The following EIPR1 variants were observed in gnomAD, a reference collection of about 807,000 sequenced individuals.
EIPR1 encodes the protein EARP complex and GARP complex interacting protein 1.
EIPR1 carries 25 observed loss-of-function variants against 48.1 expected under a neutral mutation model. That is an observed-to-expected ratio of 0.52 (90% CI 0.38 to 0.73). The LOEUF is 0.73. EIPR1 is among the 30% of genes least tolerant of loss of function. The pLI, the probability that EIPR1 is intolerant of heterozygous loss-of-function variation, is 0.00. For missense variants in EIPR1, 415 were observed against 506.2 expected (o/e 0.82, Z 1.73); for synonymous variants, 204 against 201.9 (o/e 1.01, Z -0.09).
At chr2:3,193,460 A>G (rs1410363931) in intron 7 of EIPR1, among the ~76,000 whole-genome samples, 1 of 152,230 alleles carries the variant, frequency 6.6e-6, no homozygotes, top group Non-Finnish European at 1.5e-5. Flanking sequence ...TTGCATAAAA[A>G]TGGATTCATG....
At chr2:3,306,439 T>C (rs1668947217) in intron 3 of EIPR1, among the ~76,000 whole-genome samples, 1 of 152,164 alleles carries the variant, frequency 6.6e-6, no homozygotes, top group Non-Finnish European at 1.5e-5. Flanking sequence ...GGTTGGGCCA[T>C]AAACAACACA....
At chr2:3,202,179 C>T (rs1006868448) in intron 5 of EIPR1, among the ~76,000 whole-genome samples, 14 of 152,222 alleles carry the variant, frequency 9.2e-5, no homozygotes, top group African/African-American at 3.1e-4. Flanking sequence ...CCTTGTGATC[C>T]GTCCGCCTCG....
chr2:3,244,185 A>G (rs1206016629), intron 4 of EIPR1, among the ~76,000 whole-genome samples: 1 of 152,226 alleles, frequency 6.6e-6, no homozygotes, highest in Admixed American at 6.5e-5. Context: ...CAGCAAGTCC[A>G]AAGATAGCCT....
At chr2:3,202,733 G>C (rs1246032813) in intron 5 of EIPR1, among the ~76,000 whole-genome samples, 1 of 152,162 alleles carries the variant, frequency 6.6e-6, no homozygotes, top group Non-Finnish European at 1.5e-5. Context: ...TTCTAACTCC[G>C]TAAGTGCTCC....
At chr2:3,208,551 G>A in intron 5 of EIPR1, 1 of 1,549,168 alleles carries the variant, frequency 6.5e-7, no homozygotes, top group Non-Finnish European at 8.7e-7. Flanking sequence ...AGTGAGAAAT[G>A]ACCATTTGTT....
intron 2 of EIPR1, among the ~76,000 whole-genome samples, chr2:3,348,999 G>C (rs1457545654): frequency 6.6e-6 from 1 of 152,204 alleles, no homozygotes; most frequent in Non-Finnish European, 1.5e-5. Context: ...GGCTGTTCAG[G>C]ATGGAGCTGT....
At position 3,325,827 on chromosome 2, in the gene EIPR1, C is replaced by G. The variant is rs1045583622; in HGVS notation, c.259+12190G>C. Among the ~76,000 whole-genome samples the G allele has an allele frequency of 2.6e-5, 4 of 152,270 alleles. No homozygotes were observed. In the East Asian group the frequency reaches 7.7e-4, roughly 29 times the overall value. On this transcript the variant is annotated intron_variant, in intron 3 of 8. Coordinates refer to ENST00000382125, the MANE Select transcript of EIPR1 (RefSeq NM_003310.5). ...TACTCAAAATCAAATAGAAGTAACACTACAGAAAGACGCACCACCCTTATC... is the reference window on the plus strand; with the variant it reads ...TACTCAAAATCAAATAGAAGTAACAGTACAGAAAGACGCACCACCCTTATC...
intron 3 of EIPR1, among the ~76,000 whole-genome samples, chr2:3,269,428 A>G (rs111161858): frequency 0.12 from 3,220 of 26,174 alleles, 750 homozygotes; most frequent in East Asian, 0.2. Flanking sequence ...CTCAATCATC[A>G]CACTCAATCA....
chr2:3,285,770 G>A (rs1331543484), intron 3 of EIPR1, among the ~76,000 whole-genome samples: 32 of 9,206 alleles, frequency 3.5e-3, no homozygotes, highest in African/African-American at 0.02. Context: ...AGAAGTCACC[G>A]ACTGTCTCCG....
At chr2:3,227,985 A>C (rs1166180419) in intron 4 of EIPR1, among the ~76,000 whole-genome samples, 2 of 152,284 alleles carry the variant, frequency 1.3e-5, no homozygotes, top group Non-Finnish European at 2.9e-5. Context: ...CTGAAGGGGC[A>C]GAGCCCTTAT....
At chr2:3,359,527 G>A (rs1670805730) in intron 1 of EIPR1, among the ~76,000 whole-genome samples, 1 of 152,168 alleles carries the variant, frequency 6.6e-6, no homozygotes, top group Admixed American at 6.5e-5. Context: ...TACAAGAAAA[G>A]ACACTTCTTT....
intron 3 of EIPR1, among the ~76,000 whole-genome samples, chr2:3,336,127 G>T (rs1363726488): frequency 6.6e-6 from 1 of 152,210 alleles, no homozygotes; most frequent in East Asian, 1.9e-4. Context: ...GGGTGAAGGG[G>T]AGGGTGAAGG....
At chr2:3,272,811 G>A (rs1015727497) in intron 3 of EIPR1, among the ~76,000 whole-genome samples, 1 of 152,196 alleles carries the variant, frequency 6.6e-6, no homozygotes, top group Non-Finnish European at 1.5e-5. Context: ...TGGACACAGG[G>A]TTGCCGCAAA....
intron 5 of EIPR1, among the ~76,000 whole-genome samples, chr2:3,202,165 C>G (rs2103117310): frequency 6.6e-6 from 1 of 152,328 alleles, no homozygotes; most frequent in South Asian, 2.1e-4. Context: ...TCTCGATCTT[C>G]TGACCTTGTG....
intron 4 of EIPR1, among the ~76,000 whole-genome samples, chr2:3,217,119 TG>T (rs1399614790): frequency 6.6e-6 from 1 of 152,126 alleles, no homozygotes; most frequent in African/African-American, 2.4e-5. Context: ...TAAACAGAAA[TG>T]CAGGTGATTC....
At chr2:3,260,017 A>G (rs1471988185) in intron 3 of EIPR1, among the ~76,000 whole-genome samples, 2 of 152,268 alleles carry the variant, frequency 1.3e-5, no homozygotes, top group East Asian at 3.8e-4. Flanking sequence ...TGGGACAAGC[A>G]AAGATTCCTT....
intron 4 of EIPR1, among the ~76,000 whole-genome samples, chr2:3,218,196 T>A (rs1459909432): frequency 6.7e-6 from 1 of 148,422 alleles, no homozygotes; most frequent in Admixed American, 6.7e-5. Context: ...CCTGATACGC[T>A]CTAGAGCTTT....
chr2:3,276,800 G>A (rs1401479357), intron 3 of EIPR1, among the ~76,000 whole-genome samples: 1 of 152,142 alleles, frequency 6.6e-6, no homozygotes, highest in Non-Finnish European at 1.5e-5. Context: ...TCTAAGTTCT[G>A]GTTGTTTTAA....
At chr2:3,362,376 C>A (rs1223083061) in intron 1 of EIPR1, among the ~76,000 whole-genome samples, 2 of 152,130 alleles carry the variant, frequency 1.3e-5, no homozygotes, top group African/African-American at 2.4e-5. Flanking sequence ...TTTTCCAGCG[C>A]TCTCCATCCC....
Sources: gnomAD v4.1 joint callset for allele counts (sites outside exome capture counted in the v4.1 genomes callset) on GRCh38, gnomAD v4.1.1 for gene constraint, MANE v1.5 for transcripts, NCBI Gene and HGNC (gene_info 2026-07-23, HGNC 2026-07-21) for gene names.